Variants in SOD2 observed in about 807,000 individuals in gnomAD.
The protein encoded by SOD2 is superoxide dismutase 2, also known as superoxide dismutase [Mn], mitochondrial.
A neutral mutation model predicts 27.0 loss-of-function variants in SOD2; 11 were observed. The observed-to-expected ratio is 0.41, with a 90% CI of 0.26 to 0.67. The LOEUF (loss-of-function observed/expected upper bound fraction) is 0.67. Among genes scored for constraint, SOD2 ranks in the 30% least tolerant of loss-of-function variants. SOD2 has a pLI of 0.34. For missense variants in SOD2, 250 were observed against 274.5 expected, an observed-to-expected ratio of 0.91 and a Z score of 0.63; for synonymous variants, 105 against 103.0, an observed-to-expected ratio of 1.02 and a Z score of -0.12.
In SOD2 at chr6:159,673,039, G is replaced by C. The variant is rs997568301; in HGVS notation, c.*9454C>G. 1 of 152,166 alleles carries C rather than the reference G, an allele frequency of 6.6e-6. No homozygotes were observed. Among genetic ancestry groups the C allele is most frequent in the African/African-American group, 2.4e-5 (1 of 41,424 alleles). The allele number at this position is 152,166 out of a possible 1,614,324, so 9.4% of individuals were successfully genotyped here. On this transcript the variant is annotated 3_prime_UTR_variant, in exon 5 of 5. Transcript: ENST00000538183. ...GATAGTAAAGGGATCAATTCAACAA[G>C]AAGAGCTAACTATCTTAAATATATA...
upstream of SOD2, among the ~76,000 whole-genome samples, chr6:159,695,521 T>C (rs186843680): frequency 1.3e-5 from 2 of 152,262 alleles, no homozygotes; most frequent in African/African-American, 4.8e-5. Flanking sequence ...GGCTCCGTTT[T>C]CTTTTTCTTT....
At chr6:159,693,655 C>CG (rs1026560888), upstream of SOD2, among the ~76,000 whole-genome samples, 2 of 152,276 alleles carry the variant, frequency 1.3e-5, no homozygotes, top group South Asian at 2.1e-4. Context: ...GTTGCGCTGC[C>CG]GGGGGGCCGC....
chr6:159,717,804 C>A (rs768643166), intron 1 of SOD2, among the ~76,000 whole-genome samples: 6 of 151,958 alleles, frequency 3.9e-5, no homozygotes, highest in Non-Finnish European at 8.8e-5. Context: ...TCAGTGAGAA[C>A]ATGCAGTACT....
chr6:159,733,890 C>T (rs559236637), intron 1 of SOD2, among the ~76,000 whole-genome samples: 14 of 152,004 alleles, frequency 9.2e-5, no homozygotes, highest in Admixed American at 2.0e-4. Flanking sequence ...CACTCCACCC[C>T]GGGCAACAAG....
chr6:159,672,903 T>C lies in SOD2; in HGVS notation c.*9590A>G, dbSNP rs1330584560. On this transcript the variant is annotated 3_prime_UTR_variant, in exon 5 of 5. Coordinates refer to ENST00000538183, the MANE Select transcript of SOD2 (RefSeq NM_000636.4). ...CTCAAAATAAAAGGATGGAGGAAGA[T>C]CTACCAAGCAAACGGAAAACAAAAA... 6.6e-6 allele frequency: 1 copy of C among 151,322 alleles called. No individual in the cohort carries two copies. The highest frequency in any genetic ancestry group is 1.5e-5 in the Non-Finnish European group (1 of 67,912). The allele number at this position is 151,322 out of a possible 1,614,324, so 9.4% of individuals were successfully genotyped here.
At chr6:159,697,476 T>C (rs1161879597), upstream of SOD2, among the ~76,000 whole-genome samples, 1 of 152,212 alleles carries the variant, frequency 6.6e-6, no homozygotes, top group Non-Finnish European at 1.5e-5. Context: ...CAATGTGAGC[T>C]TAATTTTTTT....
At chr6:159,721,426 T>C (rs1388119831) in intron 1 of SOD2, among the ~76,000 whole-genome samples, 1 of 151,724 alleles carries the variant, frequency 6.6e-6, no homozygotes, top group Non-Finnish European at 1.5e-5. Flanking sequence ...TGGAGTGCAA[T>C]GGTGCGATCT....
intron 3 of SOD2, 132 bp from the exon 4 acceptor site, chr6:159,685,165 C>A (rs536788664): frequency 1.2e-4 from 52 of 437,164 alleles, no homozygotes; most frequent in Non-Finnish European, 1.7e-4. Flanking sequence ...GAATGCGACA[C>A]CTGGATCTAA....
At chr6:159,727,137 C>G in exon 1 of SOD2, 1 of 1,195,204 alleles carries the variant, frequency 8.4e-7, no homozygotes, top group Non-Finnish European at 1.1e-6. Context: ...ACTGAGCTTG[C>G]TGAGCTCCGG....
intron 1 of SOD2, 124 bp from the exon 2 acceptor site, chr6:159,692,987 C>T: frequency 7.4e-7 from 1 of 1,347,682 alleles, no homozygotes; most frequent in Admixed American, 3.1e-5. Context: ...TGCGGATCCC[C>T]GCTCCAGCCG....
intron 1 of SOD2, among the ~76,000 whole-genome samples, chr6:159,711,775 T>C (rs62437332): frequency 0.037 from 607 of 16,442 alleles, 12 homozygotes; most frequent in African/African-American, 0.065. Context: ...ACCACCTCCA[T>C]AACCACCACT....
chr6:159,704,340 G>T (rs183747619), intron 1 of SOD2, among the ~76,000 whole-genome samples: 3,058 of 152,294 alleles, frequency 0.02, 32 homozygotes, highest in South Asian at 0.037. Flanking sequence ...CGCCTCACCT[G>T]GGAAGCGCAA....
Position 159,717,924 on chromosome 6 carries a change from T to A in SOD2, c.-116+9205A>T, listed in dbSNP as rs1046305917. Among the ~76,000 whole-genome samples the A allele has an allele frequency of 7.9e-5, 12 of 151,318 alleles. No homozygotes were observed. The South Asian group carries it at 1.9e-3, about 24-fold the overall frequency. On this transcript the variant is annotated intron_variant, in intron 1 of 2. Coordinates refer to the SOD2 transcript ENST00000401980. ...GTGTGTGTGTGTGTGTGTGTGTGTG[T>A]GTGTATATGTGTATATATATATACA... is the stretch of plus-strand genomic sequence containing the variant.
At chr6:159,733,789 G>T (rs1778735589) in intron 1 of SOD2, among the ~76,000 whole-genome samples, 1 of 152,086 alleles carries the variant, frequency 6.6e-6, no homozygotes, top group Non-Finnish European at 1.5e-5. Context: ...GGTGGCGCAT[G>T]CCTGTAATCC....
intron 1 of SOD2, among the ~76,000 whole-genome samples, chr6:159,754,351 G>A (rs551342803): frequency 1.3e-5 from 2 of 152,220 alleles, no homozygotes; most frequent in South Asian, 4.2e-4. Flanking sequence ...GAGTGTTATA[G>A]AGGACCACAC....
intron 1 of SOD2, among the ~76,000 whole-genome samples, chr6:159,756,782 T>G (rs1780020343): frequency 6.6e-6 from 1 of 152,046 alleles, no homozygotes; most frequent in Non-Finnish European, 1.5e-5. Flanking sequence ...TATTTTAATT[T>G]TAGTAGAGAC....
chr6:159,699,830 C>T (rs1474681991), intron 1 of SOD2, among the ~76,000 whole-genome samples: 4 of 151,086 alleles, frequency 2.6e-5, no homozygotes, highest in African/African-American at 7.3e-5. Context: ...TACATCTACT[C>T]GGAGCAGCCA....
At position 159,741,803 on chromosome 6, in the gene SOD2, C is replaced by T. The variant is rs544716488; in HGVS notation, c.-116+3327G>A. On this transcript the variant is annotated intron_variant, in intron 1 of 3. Transcript: ENST00000537657. ...GGGAGTTCAAGACCAGCCTGGGCAA[C>T]GTAGTGAGACCCCATCTCTACAAAA... is the stretch of plus-strand genomic sequence containing the variant. 3.5e-4 allele frequency: 88 copies of T among 253,610 alleles called. No individual in the cohort carries two copies. The Middle Eastern group carries it at 4.2e-3, about 12-fold the overall frequency. 15.7% of individuals were successfully genotyped at this position (253,610 alleles called of 1,614,324 possible).
upstream of SOD2, among the ~76,000 whole-genome samples, chr6:159,693,887 A>C (rs1422798971): frequency 1.3e-5 from 2 of 152,232 alleles, no homozygotes; most frequent in East Asian, 1.9e-4. Context: ...CAGGAGGCAC[A>C]CAGACTTTGT....
Sources: gnomAD v4.1 joint callset for allele counts (sites outside exome capture counted in the v4.1 genomes callset) on GRCh38, gnomAD v4.1.1 for gene constraint, MANE v1.5 for transcripts, NCBI Gene and HGNC (gene_info 2026-07-23, HGNC 2026-07-21) for gene names.